COA1: variants seen among roughly 807,000 people sequenced by gnomAD.
COA1 encodes cytochrome c oxidase assembly factor 1 homolog.
Under a neutral mutation model 16.0 loss-of-function variants are expected in COA1, and 13 were observed. That is an observed-to-expected ratio of 0.81 (90% CI 0.53 to 1.29). The LOEUF (loss-of-function observed/expected upper bound fraction) is 1.29, where lower values mean the gene tolerates loss of function less well. Ranked by LOEUF, COA1 falls within the 50% of genes most tolerant of loss-of-function variation. COA1 has a pLI of 0.00. For synonymous variants in COA1, 65 were observed against 65.7 expected (o/e 0.99, Z 0.05); for missense variants, 179 against 177.0 (o/e 1.01, Z -0.06).
In COA1 at chr7:43,644,799, CAGAGAGAGAGAGAGAGAG is replaced by C. The variant is rs10627279; in HGVS notation, c.264+434_264+451del. 1.1e-4 allele frequency among the ~76,000 whole-genome samples: 8 copies of C among 75,392 alleles called. No homozygotes were observed. In the South Asian group the frequency reaches 3.6e-3, roughly 34 times the overall value. 49.5% of individuals were successfully genotyped at this position (75,392 alleles called of 152,430 possible). ...GCAGGCAGGCAGGCAGGCAGAGAGA[CAGAGAGAGAGAGAGAGAG>C]AGAGAGAGAGAGAGAGACAGGGTCT... On this transcript the variant is annotated intron_variant, in intron 4 of 5. Coordinates refer to ENST00000223336, the MANE Select transcript of COA1 (RefSeq NM_018224.4).
At position 43,640,548 on chromosome 7, in the gene COA1, C is replaced by A. The variant is rs765199912; in HGVS notation, c.341+25G>T. 1.6e-5 allele frequency: 25 copies of A among 1,552,056 alleles called. No individual in the cohort carries two copies. In the African/African-American group the frequency reaches 2.6e-4, roughly 16 times the overall value. On this transcript the variant is annotated intron_variant, in intron 5 of 5. Coordinates refer to ENST00000223336, the MANE Select transcript of COA1 (RefSeq NM_018224.4). ...TCAGGAAGTCTTCCTCCCGCTCCCC[C>A]ACTGCCGTCACCTTCCCAGGATACC...
rs754823202 is a variant in COA1 at position 43,639,561 on chromosome 7, G to C, written c.*21C>G. On this transcript the variant is annotated 3_prime_UTR_variant, in exon 6 of 6. Coordinates refer to ENST00000223336, the MANE Select transcript of COA1 (RefSeq NM_018224.4). ...TGAGGGAAGGATGGACTAGAAGCAA[G>C]CTGGGTCTTCTGGGTCGTCTCTACT... 1 of 1,597,578 alleles carries C rather than the reference G, an allele frequency of 6.3e-7. No homozygotes were observed. Among genetic ancestry groups the C allele is most frequent in the South Asian group, 1.1e-5 (1 of 90,742 alleles).
chr7:43,646,534 C>G, intron 3 of COA1: 1 of 456,442 alleles, frequency 2.2e-6, no homozygotes, highest in South Asian at 1.5e-5. Flanking sequence ...AACCATTCAA[C>G]CCAGGCAGTC....
intron 1 of COA1, among the ~76,000 whole-genome samples, chr7:43,720,828 A>T (rs530063857): frequency 8.5e-5 from 13 of 152,350 alleles, no homozygotes; most frequent in African/African-American, 2.9e-4. Flanking sequence ...TGGATGGGTT[A>T]GCTTCGAAAA....
chr7:43,644,059 C>T (rs1467441560), intron 4 of COA1, among the ~76,000 whole-genome samples: 1 of 152,118 alleles, frequency 6.6e-6, no homozygotes, highest in Non-Finnish European at 1.5e-5. Flanking sequence ...CCCACCTCGC[C>T]CACCTGTGCC....
chr7:43,717,152 C>G (rs1348692895), intron 1 of COA1, among the ~76,000 whole-genome samples: 1 of 152,194 alleles, frequency 6.6e-6, no homozygotes, highest in Non-Finnish European at 1.5e-5. Flanking sequence ...GGGGCACTAC[C>G]TAGTGAAGCT....
At chr7:43,636,070 A>C (rs566564774), downstream of COA1, among the ~76,000 whole-genome samples, 2 of 152,356 alleles carry the variant, frequency 1.3e-5, no homozygotes, top group South Asian at 4.1e-4. Flanking sequence ...TTAGGAATGA[A>C]AAGTACTCTC....
At chr7:43,675,271 G>T (rs1386140895) in intron 1 of COA1, among the ~76,000 whole-genome samples, 1 of 152,198 alleles carries the variant, frequency 6.6e-6, no homozygotes, top group East Asian at 1.9e-4. Flanking sequence ...AAGACTTCAT[G>T]TCCTTTGTAG....
chr7:43,622,538 T>C (rs1425201325), intron 6 of COA1: 1 of 151,226 alleles, frequency 6.6e-6, no homozygotes, highest in Non-Finnish European at 1.5e-5. Flanking sequence ...AGCCTCCTTA[T>C]TTGTATAGTT....
intron 1 of COA1, among the ~76,000 whole-genome samples, chr7:43,710,157 C>CGGCT (rs1438737138): frequency 2.0e-5 from 3 of 150,922 alleles, no homozygotes; most frequent in Non-Finnish European, 3.0e-5. Flanking sequence ...TGAGACCAGC[C>CGGCT]TGGCCAACAT....
intron 1 of COA1, among the ~76,000 whole-genome samples, chr7:43,700,555 CGTATATATATGTACACATATATACGT>C (rs1319483473): frequency 5.5e-5 from 8 of 145,394 alleles, no homozygotes; most frequent in Non-Finnish European, 1.2e-4. Flanking sequence ...TATACATACA[CGTATATATATGTACACATATATACGT>C]GTATATATAC....
chr7:43,677,273 A>C (rs371815345), intron 1 of COA1, among the ~76,000 whole-genome samples: 99 of 152,352 alleles, frequency 6.5e-4, no homozygotes, highest in African/African-American at 2.3e-3. Flanking sequence ...TTCCTCAACA[A>C]ATGCTCTTTT....
intron 1 of COA1, among the ~76,000 whole-genome samples, chr7:43,663,397 A>G (rs1376943629): frequency 2.6e-5 from 4 of 152,200 alleles, no homozygotes; most frequent in Non-Finnish European, 5.9e-5. Context: ...TATGCCACTG[A>G]TCTATTTGTC....
chr7:43,695,147 C>CAA (rs1363694848), intron 1 of COA1, among the ~76,000 whole-genome samples: 1 of 151,834 alleles, frequency 6.6e-6, no homozygotes, highest in Admixed American at 6.7e-5. Context: ...AAACCTCCTG[C>CAA]TTCCTCCCTT....
At chr7:43,623,676 C>T (rs2153022451) in intron 6 of COA1, 2 of 1,602,500 alleles carry the variant, frequency 1.2e-6, no homozygotes, top group Middle Eastern at 1.7e-4. Flanking sequence ...GAGTATGGTA[C>T]TAAATTTTTC....
intron 4 of COA1, among the ~76,000 whole-genome samples, chr7:43,643,404 G>T (rs2087724384): frequency 6.6e-6 from 1 of 152,220 alleles, no homozygotes; most frequent in Non-Finnish European, 1.5e-5. Flanking sequence ...GATTGCTGGG[G>T]TCTAGCCAAG....
chr7:43,692,555 C>A (rs1236065443), intron 1 of COA1, among the ~76,000 whole-genome samples: 1 of 151,930 alleles, frequency 6.6e-6, no homozygotes, highest in African/African-American at 2.4e-5. Context: ...AAAAAAACCA[C>A]CTTCCCCAGC....
At chr7:43,633,051 G>A (rs983473373) in intron 6 of COA1, 2 of 152,182 alleles carry the variant, frequency 1.3e-5, no homozygotes, top group African/African-American at 4.8e-5. Flanking sequence ...CCCCTGACAA[G>A]AGTCAGCTTG....
At chr7:43,663,926 C>T (rs887530205) in intron 1 of COA1, among the ~76,000 whole-genome samples, 2 of 152,008 alleles carry the variant, frequency 1.3e-5, no homozygotes, top group African/African-American at 4.8e-5. Flanking sequence ...GTCTGGGCAA[C>T]ATGGTGAAAC....
Sources: gnomAD v4.1 joint callset for allele counts (sites outside exome capture counted in the v4.1 genomes callset) on GRCh38, gnomAD v4.1.1 for gene constraint, MANE v1.5 for transcripts, NCBI Gene and HGNC (gene_info 2026-07-23, HGNC 2026-07-21) for gene names.